PRAG1: variants seen among roughly 807,000 people sequenced by gnomAD.
PRAG1 encodes PEAK1 related, kinase-activating pseudokinase 1, also known as inactive tyrosine-protein kinase PRAG1.
PRAG1 carries 110 observed loss-of-function variants against 95.6 expected under a neutral mutation model. The observed-to-expected ratio is 1.15, with a 90% CI of 0.99 to 1.35. The LOEUF (loss-of-function observed/expected upper bound fraction) is 1.35, where lower values mean the gene tolerates loss of function less well. Ranked by LOEUF, PRAG1 falls within the 40% of genes most tolerant of loss-of-function variation. The probability of loss-of-function intolerance (pLI) is 0.00; values close to 1 mark genes in which losing one functional copy is unlikely to be tolerated. For synonymous variants in PRAG1, 1,052 were observed against 819.4 expected, an observed-to-expected ratio of 1.28 and a Z score of -4.85; for missense variants, 2,554 against 1,864.7, an observed-to-expected ratio of 1.37 and a Z score of -6.81.
At chr8:8,342,944 G>A (rs1799220131) in intron 3 of PRAG1, among the ~76,000 whole-genome samples, 1 of 151,970 alleles carries the variant, frequency 6.6e-6, no homozygotes, top group Non-Finnish European at 1.5e-5. Context: ...TAACATAAAA[G>A]TCACCATTAA....
At chr8:8,332,305 G>A (rs914884646) in intron 4 of PRAG1, among the ~76,000 whole-genome samples, 5 of 150,866 alleles carry the variant, frequency 3.3e-5, no homozygotes, top group Admixed American at 6.6e-5. Flanking sequence ...GGGATTACAA[G>A]CACCCACCAT....
intron 4 of PRAG1, among the ~76,000 whole-genome samples, chr8:8,334,736 A>G (rs1205476545): frequency 6.6e-6 from 1 of 150,908 alleles, no homozygotes; most frequent in Non-Finnish European, 1.5e-5. Context: ...CTCCTGTTAT[A>G]ACATAATCAT....
At chr8:8,363,093 G>GTATATA (rs60223631) in intron 3 of PRAG1, among the ~76,000 whole-genome samples, 1 of 142,246 alleles carries the variant, frequency 7.0e-6, no homozygotes. Flanking sequence ...GTGTGCGTGT[G>GTATATA]TATATATATA....
At chr8:8,382,675 T>C (rs1800721892) in intron 1 of PRAG1, among the ~76,000 whole-genome samples, 1 of 152,206 alleles carries the variant, frequency 6.6e-6, no homozygotes, top group African/African-American at 2.4e-5. Context: ...CATTGCTTCT[T>C]AGAGTAAAAC....
At chr8:8,344,020 A>G (rs551943735) in intron 3 of PRAG1, among the ~76,000 whole-genome samples, 4 of 152,128 alleles carry the variant, frequency 2.6e-5, no homozygotes, top group Non-Finnish European at 5.9e-5. Flanking sequence ...ACCTATATCA[A>G]TTATTAATGA....
intron 4 of PRAG1, among the ~76,000 whole-genome samples, chr8:8,333,199 G>C (rs966377105): frequency 7.2e-5 from 11 of 152,154 alleles, no homozygotes; most frequent in Admixed American, 1.3e-4. Flanking sequence ...TGGGACCTTG[G>C]CCTATGTCTC....
intron 3 of PRAG1, among the ~76,000 whole-genome samples, chr8:8,354,542 G>T (rs926717700): frequency 6.6e-6 from 1 of 152,166 alleles, no homozygotes; most frequent in Non-Finnish European, 1.5e-5. Flanking sequence ...ATAAAGTATT[G>T]CAGACTGAAT....
intron 3 of PRAG1, among the ~76,000 whole-genome samples, chr8:8,375,006 G>T (rs1028770709): frequency 1.3e-5 from 2 of 151,560 alleles, no homozygotes; most frequent in African/African-American, 2.4e-5. Flanking sequence ...TTTCCTAACA[G>T]AAATCAGTTT....
chr8:8,378,795 A>G (rs1800528224), intron 2 of PRAG1, among the ~76,000 whole-genome samples: 1 of 151,934 alleles, frequency 6.6e-6, no homozygotes, highest in Admixed American at 6.6e-5. Flanking sequence ...CAGGAGGCGG[A>G]GGTTGCAGTG....
intron 3 of PRAG1, among the ~76,000 whole-genome samples, chr8:8,361,942 C>G (rs1013460232): frequency 6.6e-6 from 1 of 152,232 alleles, no homozygotes; most frequent in Admixed American, 6.5e-5. Context: ...TCCCAATTTA[C>G]TAGAAACATT....
intron 3 of PRAG1, among the ~76,000 whole-genome samples, chr8:8,353,556 A>G (rs1799590643): frequency 6.6e-6 from 1 of 152,218 alleles, no homozygotes; most frequent in Non-Finnish European, 1.5e-5. Context: ...CAGAAAAAGT[A>G]GTTCTAAGAG....
At chr8:8,373,453 G>C (rs1639243470) in intron 3 of PRAG1, among the ~76,000 whole-genome samples, 1 of 120,628 alleles carries the variant, frequency 8.3e-6, no homozygotes, top group Non-Finnish European at 1.7e-5. Context: ...TTATTTTCTA[G>C]ATTTTTTTTT....
intron 3 of PRAG1, among the ~76,000 whole-genome samples, chr8:8,366,061 T>C (rs564420193): frequency 7.9e-5 from 12 of 152,028 alleles, no homozygotes; most frequent in African/African-American, 2.7e-4. Flanking sequence ...AAACAGTAAA[T>C]TGAAGGTCTA....
chr8:8,378,866 A>T (rs1342718615), intron 2 of PRAG1, among the ~76,000 whole-genome samples: 1 of 103,014 alleles, frequency 9.7e-6, no homozygotes, highest in African/African-American at 4.6e-5. Context: ...TACCAAAAAT[A>T]ATGATAATTA....
rs1009641331 is a variant in PRAG1, at chr8:8,328,175, C to T, written c.2607G>A (p.Gly869=). The part of the protein sequence containing the change: ...ESHFSYSLSP[G]NRHHPVFSSS... ...AGGAGAAGACAGGATGGTGGCGGTT[C>T]CCGGGGCTCAACGAATAGCTAAAGT... Residue 869 remains glycine, a synonymous_variant, in exon 5 of 6, where the codon GGG becomes GGA. Coordinates refer to ENST00000615670, the MANE Select transcript of PRAG1 (RefSeq NM_001080826.3). 1 of 1,614,028 alleles carries T rather than the reference C, an allele frequency of 6.2e-7. No individual in the cohort carries two copies. The highest frequency in any genetic ancestry group is 1.3e-5 in the African/African-American group (1 of 74,922).
chr8:8,373,877 G>T (rs1241623120), intron 3 of PRAG1, among the ~76,000 whole-genome samples: 1 of 152,062 alleles, frequency 6.6e-6, no homozygotes, highest in Non-Finnish European at 1.5e-5. Flanking sequence ...AACAAACTGG[G>T]CCGAAAAAAC....
intron 3 of PRAG1, among the ~76,000 whole-genome samples, chr8:8,363,104 T>C (rs1307959325): frequency 6.7e-6 from 1 of 148,810 alleles, no homozygotes; most frequent in Non-Finnish European, 1.5e-5. Flanking sequence ...TATATATATA[T>C]ATACTTATAT....
intron 4 of PRAG1, among the ~76,000 whole-genome samples, chr8:8,332,724 G>T (rs1420819362): frequency 6.9e-6 from 1 of 145,878 alleles, no homozygotes; most frequent in African/African-American, 2.6e-5. Context: ...ATGCTAACAT[G>T]CAGCCCTTGT....
intron 3 of PRAG1, among the ~76,000 whole-genome samples, chr8:8,359,576 T>C (rs1043406189): frequency 9.9e-5 from 15 of 152,206 alleles, no homozygotes; most frequent in Admixed American, 2.6e-4. Context: ...AATTGGAGTA[T>C]TGGATGAGGA....
Sources: allele counts gnomAD v4.1 joint callset (sites outside exome capture counted in the v4.1 genomes callset), GRCh38; gene constraint gnomAD v4.1.1; transcripts MANE v1.5; gene names NCBI Gene and HGNC (gene_info 2026-07-23, HGNC 2026-07-21).